The following SFMBT2 variants were observed in gnomAD, a reference collection of about 807,000 sequenced individuals.
The protein encoded by SFMBT2 is scm-like with four MBT domains protein 2.
In SFMBT2, 38 loss-of-function variants were observed where a neutral mutation model predicts 110.1. That is an observed-to-expected ratio of 0.35 (90% confidence interval 0.27 to 0.45). The LOEUF (loss-of-function observed/expected upper bound fraction) is 0.45. SFMBT2 is among the 20% of genes least tolerant of loss of function. SFMBT2 has a pLI of 1.00. For synonymous variants in SFMBT2, 425 were observed against 425.4 expected, an observed-to-expected ratio of 1.00 and a Z score of 0.01; for missense variants, 1,011 against 1,094.9, an observed-to-expected ratio of 0.92 and a Z score of 1.08.
intron 2 of SFMBT2, among the ~76,000 whole-genome samples, chr10:7,380,706 T>C (rs1427472502): frequency 6.6e-6 from 1 of 152,148 alleles, no homozygotes; most frequent in African/African-American, 2.4e-5. Flanking sequence ...GTGTAAGTAT[T>C]TAGAAAAAGA....
chr10:7,219,264 C>T (rs1839644778), intron 11 of SFMBT2, among the ~76,000 whole-genome samples: 3 of 152,186 alleles, frequency 2.0e-5, no homozygotes, highest in Non-Finnish European at 2.9e-5. Context: ...TCTACACTTT[C>T]GTGAATTCCA....
At chr10:7,248,461 C>T (rs1840689382) in intron 8 of SFMBT2, 87 bp downstream of exon 8, 1 of 1,123,916 alleles carries the variant, frequency 8.9e-7, no homozygotes. Context: ...CTTGCACGAA[C>T]ATATGTCATC....
intron 4 of SFMBT2, among the ~76,000 whole-genome samples, chr10:7,326,666 C>T (rs1168000683): frequency 6.6e-6 from 1 of 152,180 alleles, no homozygotes; most frequent in Non-Finnish European, 1.5e-5. Flanking sequence ...TATCGAGTTA[C>T]CCTTTAATTT....
chr10:7,211,822 C>CT (rs910209737), intron 11 of SFMBT2, among the ~76,000 whole-genome samples: 14 of 152,286 alleles, frequency 9.2e-5, no homozygotes, highest in South Asian at 2.1e-4. Flanking sequence ...AACTACCTGA[C>CT]TTTTTTTGCC....
At chr10:7,274,864 A>AG (rs1841718542) in intron 7 of SFMBT2, among the ~76,000 whole-genome samples, 1 of 152,262 alleles carries the variant, frequency 6.6e-6, no homozygotes, top group South Asian at 2.1e-4. Context: ...CCAAAAAAAA[A>AG]AAAAATTAGC....
intron 4 of SFMBT2, among the ~76,000 whole-genome samples, chr10:7,343,300 C>T (rs1001799818): frequency 2.0e-5 from 3 of 151,914 alleles, no homozygotes; most frequent in Admixed American, 2.0e-4. Context: ...TGTTGATGGG[C>T]ATTGAGGTTG....
intron 4 of SFMBT2, among the ~76,000 whole-genome samples, chr10:7,290,985 G>A (rs578109247): frequency 5.2e-4 from 79 of 152,304 alleles, no homozygotes; most frequent in African/African-American, 1.7e-3. Context: ...GTCCAAAGCC[G>A]GGTCACCTCT....
At chr10:7,322,513 G>C (rs1368579629) in intron 4 of SFMBT2, among the ~76,000 whole-genome samples, 1 of 152,054 alleles carries the variant, frequency 6.6e-6, no homozygotes, top group Non-Finnish European at 1.5e-5. Context: ...TACAGGCATC[G>C]ATTCCAGATG....
chr10:7,326,066 G>A (rs1843374907), intron 4 of SFMBT2, among the ~76,000 whole-genome samples: 1 of 152,212 alleles, frequency 6.6e-6, no homozygotes, highest in Non-Finnish European at 1.5e-5. Flanking sequence ...TGATATGTAT[G>A]TGTTGCCTGG....
chr10:7,347,190 G>A (rs1844144333), intron 4 of SFMBT2, among the ~76,000 whole-genome samples: 1 of 152,140 alleles, frequency 6.6e-6, no homozygotes, highest in Non-Finnish European at 1.5e-5. Flanking sequence ...TAACTAGGTA[G>A]GGCCTGGTGG....
chr10:7,399,674 G>A (rs948066143), intron 1 of SFMBT2, among the ~76,000 whole-genome samples: 7 of 152,208 alleles, frequency 4.6e-5, no homozygotes, highest in Admixed American at 2.6e-4. Flanking sequence ...TGCAGGACTC[G>A]GCAGGAGGCC....
chr10:7,306,070 C>A (rs905790472), intron 4 of SFMBT2, among the ~76,000 whole-genome samples: 1 of 152,248 alleles, frequency 6.6e-6, no homozygotes, highest in Non-Finnish European at 1.5e-5. Flanking sequence ...AGAAAGGCAG[C>A]CTTTCATTAA....
chr10:7,380,049 G>GTGTGCAGA (rs1845379418), intron 2 of SFMBT2, among the ~76,000 whole-genome samples: 1 of 152,238 alleles, frequency 6.6e-6, no homozygotes, highest in East Asian at 1.9e-4. Context: ...CACGTTGGAT[G>GTGTGCAGA]TGTGCAGATG....
chr10:7,186,944 G>T (rs1243902419), intron 16 of SFMBT2, among the ~76,000 whole-genome samples: 1 of 152,178 alleles, frequency 6.6e-6, no homozygotes, highest in Non-Finnish European at 1.5e-5. Context: ...GTAAGAGTTT[G>T]CCATGGAACT....
intron 4 of SFMBT2, among the ~76,000 whole-genome samples, chr10:7,288,724 TTCACGGAAAAAAATTAGAAA>T (rs1842174229): frequency 6.6e-6 from 1 of 152,028 alleles, no homozygotes; most frequent in Admixed American, 6.6e-5. Flanking sequence ...CTTGACCAAG[TTCACGGAAAAAAATTAGAAA>T]CAGCGGCCAG....
Position 7,172,719 on chromosome 10 carries a change from G to A in SFMBT2, c.1985-58C>T. On this transcript the variant is annotated intron_variant, in intron 17 of 20. Coordinates refer to ENST00000397167, the MANE Select transcript of SFMBT2 (RefSeq NM_001387889.1). The surrounding 1 kb of genome is among the most constrained non-coding windows in gnomAD (Gnocchi z 4.6). ...CTATACACACACACAGACATGAACA[G>A]AGAGAGGAGAGAGAAAGAAGGGAAA... 6.6e-7 allele frequency: 1 copy of A among 1,509,526 alleles called. No individual in the cohort carries two copies. 93.5% of individuals were successfully genotyped at this position (1,509,526 alleles called of 1,614,324 possible). A position where few individuals can be genotyped will look rare whatever the true frequency, so the allele number is the denominator to read the frequency against.
chr10:7,177,180 A>G (rs1025552362), intron 16 of SFMBT2, among the ~76,000 whole-genome samples: 2 of 152,112 alleles, frequency 1.3e-5, no homozygotes, highest in Non-Finnish European at 2.9e-5. Context: ...ACAGACTCAA[A>G]TCTTGATTGA....
At chr10:7,279,475 G>C (rs1348837735) in intron 6 of SFMBT2, among the ~76,000 whole-genome samples, 1 of 152,204 alleles carries the variant, frequency 6.6e-6, no homozygotes, top group Middle Eastern at 3.2e-3. Context: ...TTGACAGCCT[G>C]ACACAACCAG....
At chr10:7,384,862 A>T (rs1200529064) in intron 1 of SFMBT2, among the ~76,000 whole-genome samples, 1 of 152,188 alleles carries the variant, frequency 6.6e-6, no homozygotes, top group Non-Finnish European at 1.5e-5. Flanking sequence ...CCTTCACAAC[A>T]ATCAACCCAC....
Sources: allele counts gnomAD v4.1 joint callset (sites outside exome capture counted in the v4.1 genomes callset), GRCh38; gene constraint gnomAD v4.1.1; non-coding constraint Gnocchi (gnomAD v3.1); transcripts MANE v1.5; gene names NCBI Gene and HGNC (gene_info 2026-07-23, HGNC 2026-07-21).